Variants in FGF12 observed in about 807,000 individuals in gnomAD.
The protein encoded by FGF12 is fibroblast growth factor 12B.
Under a neutral mutation model 23.6 loss-of-function variants are expected in FGF12, and 14 were observed. The observed-to-expected ratio is 0.59, with a 90% confidence interval of 0.39 to 0.93. The LOEUF (loss-of-function observed/expected upper bound fraction) is 0.93, where lower values mean the gene tolerates loss of function less well. Among genes scored for constraint, FGF12 ranks in the 40% least tolerant of loss-of-function variants. FGF12 has a pLI of 0.00. For missense variants in FGF12, 175 were observed against 217.8 expected, an observed-to-expected ratio of 0.80 and a Z score of 1.24; for synonymous variants, 62 against 77.3, an observed-to-expected ratio of 0.80 and a Z score of 1.04.
In FGF12 at chr3:192,274,800, C is replaced by A. The variant is rs1027278140; in HGVS notation, c.228+60561G>T. On this transcript the variant is annotated intron_variant, in intron 4 of 5. Coordinates refer to ENST00000445105, the MANE Select transcript of FGF12 (RefSeq NM_004113.6). The stretch of plus-strand genomic sequence containing the variant: ...AAACAAAGTTGCTAATAACATACAG[C>A]TTTTGCAAGTAAACTGGTTTCCTTC... 3.3e-5 allele frequency among the ~76,000 whole-genome samples: 5 copies of A among 152,156 alleles called. No homozygotes were observed. The South Asian group carries it at 1.0e-3, about 31-fold the overall frequency.
At chr3:192,525,676 G>A (rs4687340) in intron 2 of FGF12, among the ~76,000 whole-genome samples, 137,106 of 152,294 alleles carry the variant, frequency 0.9, 61,711 homozygotes, top group Non-Finnish European at 0.9. Flanking sequence ...TAAGTCGACA[G>A]TGTAAGTTTG....
At chr3:192,457,620 C>T (rs926652834) in intron 2 of FGF12, among the ~76,000 whole-genome samples, 8 of 152,124 alleles carry the variant, frequency 5.3e-5, no homozygotes, top group Admixed American at 2.0e-4. Flanking sequence ...ACAGCAAAAG[C>T]GTTCAAAAGG....
chr3:192,385,001 TAGATATAC>T (rs1277594486), intron 2 of FGF12, among the ~76,000 whole-genome samples: 1 of 152,176 alleles, frequency 6.6e-6, no homozygotes, highest in Non-Finnish European at 1.5e-5. Context: ...GGTAAATAAG[TAGATATAC>T]AGATATATAG....
rs571801212 is a variant in FGF12 at position 192,324,054 on chromosome 3, C to T, written c.228+11307G>A. The stretch of plus-strand genomic sequence containing the variant: ...TTGCAGTGAGCCGAGATCAAGCCAC[C>T]GCATGCCAGCCTGGGCGACAGAGCG... On this transcript the variant is annotated intron_variant, in intron 4 of 5. Transcript: ENST00000445105. 1.8e-3 allele frequency among the ~76,000 whole-genome samples: 275 copies of T among 151,898 alleles called. 2 individuals are homozygous for T. The highest frequency in any genetic ancestry group is 5.7e-3 in the African/African-American group (235 of 41,402).
intron 2 of FGF12, among the ~76,000 whole-genome samples, chr3:192,557,896 A>G (rs1447200369): frequency 1.3e-5 from 2 of 151,892 alleles, no homozygotes; most frequent in African/African-American, 4.8e-5. Flanking sequence ...CACTCAAAAA[A>G]CTAGGAATAG....
intron 2 of FGF12, among the ~76,000 whole-genome samples, chr3:192,500,803 TA>T (rs1198280602): frequency 1.3e-5 from 2 of 152,210 alleles, no homozygotes; most frequent in African/African-American, 2.4e-5. Context: ...CTCCTCACTA[TA>T]ATCCCCATAA....
At chr3:192,371,238 T>C (rs545900336) in intron 2 of FGF12, among the ~76,000 whole-genome samples, 1 of 152,344 alleles carries the variant, frequency 6.6e-6, no homozygotes, top group South Asian at 2.1e-4. Flanking sequence ...TCAAAGCTCA[T>C]GTTACATATG....
At chr3:192,373,089 C>T (rs975490682) in intron 2 of FGF12, among the ~76,000 whole-genome samples, 3 of 152,056 alleles carry the variant, frequency 2.0e-5, no homozygotes, top group African/African-American at 7.3e-5. Context: ...TATTATCTGG[C>T]AGCACACTGT....
intron 2 of FGF12, among the ~76,000 whole-genome samples, chr3:192,613,507 T>C (rs771698878): frequency 2.6e-5 from 4 of 151,928 alleles, no homozygotes; most frequent in Non-Finnish European, 5.9e-5. Context: ...TATATCTAGG[T>C]TCGGAGAACA....
At chr3:192,163,004 A>C (rs1281659191) in intron 5 of FGF12, among the ~76,000 whole-genome samples, 1 of 152,144 alleles carries the variant, frequency 6.6e-6, no homozygotes, top group Non-Finnish European at 1.5e-5. Flanking sequence ...GAAAAATCCA[A>C]CTTTTTTTTA....
intron 5 of FGF12, 127 bp from the exon 6 acceptor site, chr3:192,144,254 C>G (rs903412299): frequency 6.9e-5 from 42 of 605,836 alleles, no homozygotes; most frequent in Non-Finnish European, 1.2e-4. Context: ...TATAAAAAAA[C>G]AGTTTTAACT....
chr3:192,301,218 A>G (rs1484405664), intron 4 of FGF12, among the ~76,000 whole-genome samples: 1 of 152,206 alleles, frequency 6.6e-6, no homozygotes, highest in African/African-American at 2.4e-5. Context: ...GGTTAAGACT[A>G]GGTGAAGATA....
intron 4 of FGF12, among the ~76,000 whole-genome samples, chr3:192,229,476 G>A (rs768881457): frequency 6.6e-6 from 1 of 151,822 alleles, no homozygotes; most frequent in Non-Finnish European, 1.5e-5. Flanking sequence ...ACCTACTATT[G>A]GCTAATCAAG....
chr3:192,427,022 T>G (rs1040744907), intron 2 of FGF12, among the ~76,000 whole-genome samples: 1 of 152,208 alleles, frequency 6.6e-6, no homozygotes, highest in East Asian at 1.9e-4. Flanking sequence ...GCACGCAGTA[T>G]GTGCTGAATA....
intron 3 of FGF12, among the ~76,000 whole-genome samples, chr3:192,349,832 C>T (rs534403087): frequency 5.6e-4 from 85 of 152,176 alleles, no homozygotes; most frequent in Middle Eastern, 3.4e-3. Flanking sequence ...GGCATTGTCA[C>T]GCAAAGTCAT....
chr3:192,712,731 C>T (rs1442327906), intron 2 of FGF12, among the ~76,000 whole-genome samples: 2 of 149,914 alleles, frequency 1.3e-5, no homozygotes, highest in Non-Finnish European at 2.9e-5. Flanking sequence ...TACTGTGTAT[C>T]CTTTTTTTTT....
chr3:192,382,233 A>G (rs1719849114), intron 2 of FGF12, among the ~76,000 whole-genome samples: 1 of 152,040 alleles, frequency 6.6e-6, no homozygotes, highest in African/African-American at 2.4e-5. Context: ...CGACCACGTG[A>G]TCCACTCACC....
intron 2 of FGF12, among the ~76,000 whole-genome samples, chr3:192,629,252 C>T (rs1577087412): frequency 6.6e-6 from 1 of 152,148 alleles, no homozygotes; most frequent in Non-Finnish European, 1.5e-5. Context: ...AAAAGTAACC[C>T]ACTGAACACA....
At chr3:192,296,053 T>A (rs12636324) in intron 4 of FGF12, among the ~76,000 whole-genome samples, 1 of 139,148 alleles carries the variant, frequency 7.2e-6, no homozygotes, top group East Asian at 2.4e-4. Context: ...ACTAACTTTG[T>A]TTTTCTTTCT....
Sources: gnomAD v4.1 joint callset for allele counts (sites outside exome capture counted in the v4.1 genomes callset) on GRCh38, gnomAD v4.1.1 for gene constraint, MANE v1.5 for transcripts, NCBI Gene and HGNC (gene_info 2026-07-23, HGNC 2026-07-21) for gene names.